The following SRRM4 variants were observed in gnomAD, a reference collection of about 807,000 sequenced individuals.
The protein encoded by SRRM4 is serine/arginine repetitive matrix 4.
A neutral mutation model predicts 68.9 loss-of-function variants in SRRM4; 33 were observed. The observed-to-expected ratio is 0.48, with a 90% CI of 0.36 to 0.64. The LOEUF (loss-of-function observed/expected upper bound fraction) is 0.64, where lower values mean the gene tolerates loss of function less well. Among genes scored for constraint, SRRM4 ranks in the 30% least tolerant of loss-of-function variants. The probability of loss-of-function intolerance (pLI) is 0.00; values close to 1 mark genes in which losing one functional copy is unlikely to be tolerated. For missense variants in SRRM4, 817 were observed against 827.1 expected (o/e 0.99, Z 0.15); for synonymous variants, 318 against 318.8 (o/e 1.00, Z 0.03).
Position 118,981,744 on chromosome 12 carries a change from T to C in SRRM4, c.-139T>C. On this transcript the variant is annotated 5_prime_UTR_variant, in exon 1 of 13. Coordinates refer to ENST00000267260, the MANE Select transcript of SRRM4 (RefSeq NM_194286.4). Reference sequence around the variant, plus strand: ...GGCTGGGGCGTCCCATCCCCCGCCCTGAACTCCGATCTCTCCCACCCCACC... The same window carrying C: ...GGCTGGGGCGTCCCATCCCCCGCCCCGAACTCCGATCTCTCCCACCCCACC... 4 of 551,284 alleles carry C rather than the reference T, an allele frequency of 7.3e-6. No individual in the cohort carries two copies. Among genetic ancestry groups the C allele is most frequent in the Non-Finnish European group, 1.2e-5 (4 of 346,988 alleles). 34.1% of individuals were successfully genotyped at this position (551,284 alleles called of 1,614,324 possible).
chr12:119,113,641 C>T (rs756820408), intron 2 of SRRM4, among the ~76,000 whole-genome samples: 38 of 152,100 alleles, frequency 2.5e-4, no homozygotes, highest in Non-Finnish European at 4.7e-4. Context: ...TCTTCCTTTG[C>T]CATGGGATAG....
At chr12:119,104,438 G>A (rs114979086) in intron 2 of SRRM4, among the ~76,000 whole-genome samples, 5,933 of 144,218 alleles carry the variant, frequency 0.041, 131 homozygotes, top group African/African-American at 0.056. Flanking sequence ...AATAATAACA[G>A]TGATAATAAA....
chr12:119,111,165 T>C (rs1273930335), intron 2 of SRRM4, among the ~76,000 whole-genome samples: 1 of 152,228 alleles, frequency 6.6e-6, no homozygotes, highest in Non-Finnish European at 1.5e-5. Flanking sequence ...TCACTGTATT[T>C]AGCCATGCAT....
intron 1 of SRRM4, among the ~76,000 whole-genome samples, chr12:119,010,482 A>G (rs1953442459): frequency 6.6e-6 from 1 of 152,216 alleles, no homozygotes; most frequent in Non-Finnish European, 1.5e-5. Flanking sequence ...TCTTTGTTCA[A>G]TCAGAGTTTA....
intron 1 of SRRM4, among the ~76,000 whole-genome samples, chr12:119,044,114 G>T (rs1310382792): frequency 6.6e-6 from 1 of 152,142 alleles, no homozygotes; most frequent in South Asian, 2.1e-4. Context: ...TAATCCACAC[G>T]CCTCGGCCTC....
chr12:119,010,990 A>G lies in SRRM4; in HGVS notation c.131+28977A>G, dbSNP rs369157448. ...TAGGAAAAAGCATCTATCTATGTAT[A>G]CAAAAGAACACTATGTACTCTATAT... is the stretch of plus-strand genomic sequence containing the variant. On this transcript the variant is annotated intron_variant, in intron 1 of 12. Transcript: ENST00000267260. Among the ~76,000 whole-genome samples the G allele has an allele frequency of 4.6e-5, 7 of 152,228 alleles. No homozygotes were observed. The East Asian group carries it at 9.6e-4, about 21-fold the overall frequency.
At chr12:119,100,435 A>G (rs1954071819) in intron 1 of SRRM4, among the ~76,000 whole-genome samples, 1 of 151,556 alleles carries the variant, frequency 6.6e-6, no homozygotes, top group Non-Finnish European at 1.5e-5. Flanking sequence ...GGCTGCAGTG[A>G]GCTGTGATTG....
intron 9 of SRRM4, among the ~76,000 whole-genome samples, chr12:119,146,555 C>T (rs1228099650): frequency 6.6e-6 from 1 of 151,700 alleles, no homozygotes; most frequent in African/African-American, 2.4e-5. Context: ...CATTGCACTC[C>T]AGCCTGGGCA....
chr12:119,122,982 T>A (rs187195035), intron 6 of SRRM4, among the ~76,000 whole-genome samples: 148 of 152,320 alleles, frequency 9.7e-4, no homozygotes, highest in African/African-American at 3.4e-3. Context: ...GGAGTTCAGT[T>A]CCCAGCCAAA....
rs767492967 is a variant in SRRM4, at chr12:119,161,506, C to G, written c.*4708C>G. The G allele has an allele frequency of 2.0e-5, 3 of 152,124 alleles. No individual in the cohort carries two copies. The highest frequency in any genetic ancestry group is 2.9e-5 in the Non-Finnish European group (2 of 68,042). 9.4% of individuals were successfully genotyped at this position (152,124 alleles called of 1,614,324 possible). A position where few individuals can be genotyped will look rare whatever the true frequency, so the allele number is the denominator to read the frequency against. ...TGTGTTTTTTTAGTTCTTTTGATGGCTGTTGTTTTGCATTGTAAATACCAT... is the reference window on the plus strand; with the variant it reads ...TGTGTTTTTTTAGTTCTTTTGATGGGTGTTGTTTTGCATTGTAAATACCAT... On this transcript the variant is annotated 3_prime_UTR_variant, in exon 13 of 13. Transcript: ENST00000267260.
rs1407234944 is a variant in SRRM4, at chr12:119,160,841, ATC to A, written c.*4046_*4047del. 6.6e-6 allele frequency: 1 copy of A among 152,202 alleles called. No homozygotes were observed. Among genetic ancestry groups the A allele is most frequent in the African/African-American group, 2.4e-5 (1 of 41,434 alleles). The allele number at this position is 152,202 out of a possible 1,614,324, so 9.4% of individuals were successfully genotyped here. ...AAGTAAAAACGAAAAGCAAGATTTG[ATC>A]TCCCTTCAGTTAATTAGGCAAGGCT... On this transcript the variant is annotated 3_prime_UTR_variant, in exon 13 of 13. Transcript: ENST00000267260.
intron 1 of SRRM4, among the ~76,000 whole-genome samples, chr12:119,004,575 G>C (rs905708872): frequency 6.6e-6 from 1 of 151,952 alleles, no homozygotes; most frequent in Non-Finnish European, 1.5e-5. Flanking sequence ...GATGGATTGA[G>C]AGAACTAGCC....
At chr12:119,109,598 A>C (rs1302340001) in intron 2 of SRRM4, among the ~76,000 whole-genome samples, 1 of 151,800 alleles carries the variant, frequency 6.6e-6, no homozygotes, top group East Asian at 1.9e-4. Context: ...CCTTTCTTCC[A>C]CTTGATTGAA....
chr12:119,151,048 G>T lies in SRRM4; in HGVS notation c.1108G>T (p.Glu370Ter). ...TCAGTCACCGTGTCTGGAATGTGCC[G>T]AAGTGAAGAAGTCCAGTTTGGTCCC... Reference protein sequence around the residue: ...GFQSPCLECAEVKKSSLVPST... With the variant: ...GFQSPCLECA Residue 370 changes from glutamate (E) to a stop codon, truncating the protein, a stop_gained, in exon 10 of 13, where the codon GAA becomes TAA. Coordinates refer to ENST00000267260, the MANE Select transcript of SRRM4 (RefSeq NM_194286.4). LOFTEE classifies it high-confidence loss of function. 6.2e-7 allele frequency: 1 copy of T among 1,613,968 alleles called. No individual in the cohort carries two copies. Among genetic ancestry groups the T allele is most frequent in the Non-Finnish European group, 8.5e-7 (1 of 1,179,884 alleles).
chr12:118,996,756 G>A (rs1351670443), intron 1 of SRRM4, among the ~76,000 whole-genome samples: 2 of 152,196 alleles, frequency 1.3e-5, no homozygotes, highest in African/African-American at 2.4e-5. Context: ...CACTTGGTAA[G>A]GGCCAGAGTT....
chr12:119,032,696 T>C (rs1953599487), intron 1 of SRRM4, among the ~76,000 whole-genome samples: 1 of 152,214 alleles, frequency 6.6e-6, no homozygotes, highest in Admixed American at 6.5e-5. Context: ...TATGTCTTGA[T>C]ATAATTTATG....
At position 119,157,097 on chromosome 12, in the gene SRRM4, A is replaced by G. The variant is rs1954479185; in HGVS notation, c.*299A>G. On this transcript the variant is annotated 3_prime_UTR_variant, in exon 13 of 13. Transcript: ENST00000267260. The surrounding 1 kb of genome is among the most constrained non-coding windows in gnomAD (Gnocchi z 4.1). ...AAACTTCAAGGTTTTGTGAGAAGCA[A>G]TGGGTCTGTGACTCAAAAATTGAGC... The G allele has an allele frequency of 7.8e-6, 3 of 386,564 alleles. No individual in the cohort carries two copies. Among genetic ancestry groups the G allele is most frequent in the Admixed American group, 8.5e-5 (2 of 23,590 alleles). 23.9% of individuals were successfully genotyped at this position (386,564 alleles called of 1,614,324 possible). A position where few individuals can be genotyped will look rare whatever the true frequency, so the allele number is the denominator to read the frequency against.
chr12:119,019,312 C>T (rs1027141571), intron 1 of SRRM4, among the ~76,000 whole-genome samples: 1 of 152,192 alleles, frequency 6.6e-6, no homozygotes, highest in South Asian at 2.1e-4. Context: ...GACACGTCAA[C>T]CATCCCCCGG....
In SRRM4 at chr12:119,161,540, A is replaced by AC. The variant is rs1296996193; in HGVS notation, c.*4747dup. The AC allele has an allele frequency of 6.6e-6, 1 of 151,530 alleles. No homozygotes were observed. The highest frequency in any genetic ancestry group is 6.6e-5 in the Admixed American group (1 of 15,176). 9.4% of individuals were successfully genotyped at this position (151,530 alleles called of 1,614,324 possible). ...TGCATTGTAAATACCATGATGGGGGACCCCCATCAGAACATGGCTTATTTA... is the reference window on the plus strand; with the variant it reads ...TGCATTGTAAATACCATGATGGGGGACCCCCCATCAGAACATGGCTTATTTA... On this transcript the variant is annotated 3_prime_UTR_variant, in exon 13 of 13. Coordinates refer to ENST00000267260, the MANE Select transcript of SRRM4 (RefSeq NM_194286.4).
Sources: allele counts gnomAD v4.1 joint callset (sites outside exome capture counted in the v4.1 genomes callset), GRCh38; gene constraint gnomAD v4.1.1; non-coding constraint Gnocchi (gnomAD v3.1); transcripts MANE v1.5; gene names NCBI Gene and HGNC (gene_info 2026-07-23, HGNC 2026-07-21).